The following CTTNBP2 variants were observed in gnomAD, a reference collection of about 807,000 sequenced individuals.
CTTNBP2 encodes the protein cortactin binding protein 2.
Under a neutral mutation model 156.9 loss-of-function variants are expected in CTTNBP2, and 108 were observed. The ratio of observed to expected loss-of-function variants is 0.69; its 90% CI spans 0.59 to 0.81. CTTNBP2 has a LOEUF of 0.81. CTTNBP2 is among the 30% of genes least tolerant of loss of function. The pLI, the probability that CTTNBP2 is intolerant of heterozygous loss-of-function variation, is 0.00. For synonymous variants in CTTNBP2, 767 were observed against 751.8 expected, an observed-to-expected ratio of 1.02 and a Z score of -0.33; for missense variants, 1,924 against 2,035.4, an observed-to-expected ratio of 0.95 and a Z score of 1.05.
chr7:117,780,072 ATAT>A (rs1428966178), intron 7 of CTTNBP2, among the ~76,000 whole-genome samples: 1 of 152,180 alleles, frequency 6.6e-6, no homozygotes, highest in African/African-American at 2.4e-5. Flanking sequence ...ATCTCTGCTT[ATAT>A]TATTAACCAC....
intron 9 of CTTNBP2, among the ~76,000 whole-genome samples, chr7:117,763,579 G>C (rs1260381869): frequency 2.8e-5 from 1 of 36,328 alleles, no homozygotes; most frequent in Non-Finnish European, 6.6e-5. Context: ...TTTTTTTTTT[G>C]AGACAGGGTC....
At chr7:117,784,482 G>T in intron 4 of CTTNBP2, 28 bp from the exon 5 acceptor site, 1 of 1,512,780 alleles carries the variant, frequency 6.6e-7, no homozygotes, top group Non-Finnish European at 8.9e-7. Flanking sequence ...CCTCGTTAGA[G>T]AGTAGGAGCA....
At chr7:117,849,456 G>T (rs937490884) in intron 2 of CTTNBP2, among the ~76,000 whole-genome samples, 11 of 152,080 alleles carry the variant, frequency 7.2e-5, no homozygotes, top group Admixed American at 5.9e-4. Flanking sequence ...GAGAACAAAA[G>T]CCTCAGATCA....
intron 9 of CTTNBP2, among the ~76,000 whole-genome samples, chr7:117,765,459 C>T (rs1393717093): frequency 6.6e-6 from 1 of 152,160 alleles, no homozygotes; most frequent in Non-Finnish European, 1.5e-5. Context: ...GAAGGCTAAG[C>T]ACCTTGTCTA....
At chr7:117,748,709 G>A (rs575451040) in intron 12 of CTTNBP2, among the ~76,000 whole-genome samples, 1 of 152,244 alleles carries the variant, frequency 6.6e-6, no homozygotes, top group East Asian at 1.9e-4. Context: ...TTCTTGCCCT[G>A]CTTTCATAGT....
intron 2 of CTTNBP2, among the ~76,000 whole-genome samples, chr7:117,811,317 G>C (rs553478695): frequency 6.8e-6 from 1 of 148,146 alleles, no homozygotes; most frequent in Non-Finnish European, 1.5e-5. Context: ...CCTCCACCCC[G>C]CCCAACAGGG....
chr7:117,775,206 C>T (rs1170301208), intron 8 of CTTNBP2, among the ~76,000 whole-genome samples: 1 of 152,030 alleles, frequency 6.6e-6, no homozygotes, highest in African/African-American at 2.4e-5. Flanking sequence ...ATATTAATAG[C>T]CTAGCAGTGT....
intron 2 of CTTNBP2, among the ~76,000 whole-genome samples, chr7:117,841,582 G>T (rs1802280659): frequency 6.6e-6 from 1 of 152,180 alleles, no homozygotes; most frequent in Admixed American, 6.5e-5. Context: ...CAATGTGGTG[G>T]TTGCCTCAGG....
chr7:117,770,847 T>G (rs541690223), intron 8 of CTTNBP2, among the ~76,000 whole-genome samples: 50 of 152,242 alleles, frequency 3.3e-4, no homozygotes, highest in African/African-American at 1.1e-3. Context: ...CTTCTGGAAA[T>G]AGAGTCCCGG....
At chr7:117,862,151 A>G (rs1293067271) in intron 1 of CTTNBP2, among the ~76,000 whole-genome samples, 1 of 152,132 alleles carries the variant, frequency 6.6e-6, no homozygotes, top group East Asian at 1.9e-4. Context: ...TGCCATAGTC[A>G]GGTGGGTTTG....
At chr7:117,760,044 T>G (rs145262629) in intron 10 of CTTNBP2, among the ~76,000 whole-genome samples, 3 of 152,310 alleles carry the variant, frequency 2.0e-5, no homozygotes, top group Admixed American at 6.5e-5. Flanking sequence ...AAATCTGTCC[T>G]GGAGATAAGG....
chr7:117,756,720 T>C, intron 11 of CTTNBP2, 86 bp from the exon 12 acceptor site: 2 of 929,596 alleles, frequency 2.2e-6, no homozygotes, highest in Admixed American at 1.7e-5. Context: ...TCATAGAAGA[T>C]GAATGTGTTT....
At position 117,777,667 on chromosome 7, in the gene CTTNBP2, G is replaced by T; in HGVS notation, c.2622C>A (p.Phe874Leu). 1 of 1,614,092 alleles carries T rather than the reference G, an allele frequency of 6.2e-7. No homozygotes were observed. The highest frequency in any genetic ancestry group is 8.5e-7 in the Non-Finnish European group (1 of 1,179,994). Residue 874 changes from phenylalanine (F) to leucine (L), a missense_variant, in exon 8 of 23, where the codon TTC becomes TTA. Physicochemically the swap from Phe to Leu is conservative, Grantham distance 22. Coordinates refer to ENST00000160373, the MANE Select transcript of CTTNBP2 (RefSeq NM_033427.3). ...CACTTGACTCGGACTCCTCCTCATT[G>T]AAAGAATTTCCATGAGCTGGTATTC... ...YHRIPAHGNS[F>L]NEEESESSVF...
Position 117,791,475 on chromosome 7 carries a change from T to C in CTTNBP2, c.1721A>G (p.Asn574Ser). Residue 574 changes from asparagine (N) to serine (S), a missense_variant, in exon 4 of 23, where the codon AAC becomes AGC. Transcript: ENST00000160373. ...KVIIDSSRASNTGAKVDNKTV... is the reference protein window; with the variant it reads ...KVIIDSSRASSTGAKVDNKTV... ...TTTGTTATCAACTTTGGCCCCTGTG[T>C]TCGAGGCCCTGCTGCTGTCTATAAT... 1 of 1,614,196 alleles carries C rather than the reference T, an allele frequency of 6.2e-7. No individual in the cohort carries two copies. The highest frequency in any genetic ancestry group is 2.2e-5 in the East Asian group (1 of 44,886).
chr7:117,769,745 T>A lies in CTTNBP2; in HGVS notation c.2779-2569A>T, dbSNP rs1313510652. Among the ~76,000 whole-genome samples the A allele has an allele frequency of 2.0e-5, 3 of 152,200 alleles. No individual in the cohort carries two copies. The East Asian group carries it at 5.8e-4, about 29-fold the overall frequency. On this transcript the variant is annotated intron_variant, in intron 8 of 22. Coordinates refer to ENST00000160373, the MANE Select transcript of CTTNBP2 (RefSeq NM_033427.3). The stretch of plus-strand genomic sequence containing the variant: ...AATGAACTCTAATTAGAAACTTAAA[T>A]AGAAAGCAATCTGAGCACTAAACTT...
chr7:117,726,748 T>C (rs919348017), intron 17 of CTTNBP2, among the ~76,000 whole-genome samples: 1 of 152,172 alleles, frequency 6.6e-6, no homozygotes, highest in Admixed American at 6.5e-5. Context: ...GTTCCACAGC[T>C]GTTGAGGCAA....
At chr7:117,760,792 T>G in intron 9 of CTTNBP2, 82 bp from the exon 10 acceptor site, 1 of 900,840 alleles carries the variant, frequency 1.1e-6, no homozygotes, top group Non-Finnish European at 1.7e-6. Context: ...AATAAGCAGA[T>G]ATAAACATTT....
At chr7:117,715,475 TAAAAA>T (rs398048025) in intron 22 of CTTNBP2, among the ~76,000 whole-genome samples, 14 of 116,390 alleles carry the variant, frequency 1.2e-4, no homozygotes, top group African/African-American at 2.4e-4. Context: ...GCCCTGAAGT[TAAAAA>T]AAAAAAAAAA....
intron 17 of CTTNBP2, 84 bp downstream of exon 17, chr7:117,728,005 G>A: frequency 1.6e-6 from 2 of 1,257,500 alleles, no homozygotes; most frequent in Admixed American, 4.1e-5. Flanking sequence ...GCACAAGGCA[G>A]CCTGGTCAGC....
Sources: allele counts gnomAD v4.1 joint callset (sites outside exome capture counted in the v4.1 genomes callset), GRCh38; gene constraint gnomAD v4.1.1; transcripts MANE v1.5; gene names NCBI Gene and HGNC (gene_info 2026-07-23, HGNC 2026-07-21).